The following CNTNAP2 variants were observed in gnomAD, a reference collection of about 807,000 sequenced individuals.
CNTNAP2 encodes the protein contactin associated protein 2.
In CNTNAP2, 98 loss-of-function variants were observed where a neutral mutation model predicts 155.2. That is an observed-to-expected ratio of 0.63 (90% CI 0.54 to 0.75). The LOEUF is 0.75. Among genes scored for constraint, CNTNAP2 ranks in the 30% least tolerant of loss-of-function variants. The pLI is 0.00. For missense variants in CNTNAP2, 1,727 were observed against 1,688.1 expected, an observed-to-expected ratio of 1.02 and a Z score of -0.40; for synonymous variants, 651 against 631.2, an observed-to-expected ratio of 1.03 and a Z score of -0.47.
At chr7:148,065,193 C>T (rs1391995585) in intron 15 of CNTNAP2, among the ~76,000 whole-genome samples, 2 of 152,056 alleles carry the variant, frequency 1.3e-5, no homozygotes, top group African/African-American at 4.8e-5. Context: ...CTTACTGAGA[C>T]TTGTTTTGTG....
chr7:147,437,904 T>G (rs1195538406), intron 10 of CNTNAP2, among the ~76,000 whole-genome samples: 1 of 152,020 alleles, frequency 6.6e-6, no homozygotes, highest in Non-Finnish European at 1.5e-5. Flanking sequence ...GATCTTTCAT[T>G]TCCTTAAGAT....
intron 1 of CNTNAP2, among the ~76,000 whole-genome samples, chr7:146,648,954 G>A (rs903606966): frequency 6.6e-6 from 1 of 152,004 alleles, no homozygotes; most frequent in Non-Finnish European, 1.5e-5. Context: ...CAGATGATGG[G>A]AAATACCGCT....
intron 1 of CNTNAP2, among the ~76,000 whole-genome samples, chr7:146,298,933 A>G (rs921986178): frequency 1.3e-5 from 2 of 152,182 alleles, no homozygotes; most frequent in Non-Finnish European, 2.9e-5. Flanking sequence ...TAATTCCTGT[A>G]GAATATAGAT....
chr7:147,539,552 T>C (rs1799604728), intron 11 of CNTNAP2, among the ~76,000 whole-genome samples: 1 of 152,192 alleles, frequency 6.6e-6, no homozygotes, highest in Admixed American at 6.5e-5. Flanking sequence ...ATTGAGATTC[T>C]TGAAAGCTGA....
intron 12 of CNTNAP2, among the ~76,000 whole-genome samples, chr7:147,634,075 A>G (rs1213638852): frequency 1.3e-5 from 2 of 152,216 alleles, no homozygotes; most frequent in Non-Finnish European, 2.9e-5. Context: ...AGGTAGAGCT[A>G]CCATTTGATC....
chr7:146,804,469 C>G (rs1802933290), intron 2 of CNTNAP2, among the ~76,000 whole-genome samples: 2 of 151,950 alleles, frequency 1.3e-5, no homozygotes. Flanking sequence ...TTTTCATCAC[C>G]TAGGAAGGAG....
intron 13 of CNTNAP2, among the ~76,000 whole-genome samples, chr7:147,889,119 G>A (rs749803998): frequency 1.3e-5 from 2 of 151,888 alleles, no homozygotes; most frequent in Non-Finnish European, 2.9e-5. Flanking sequence ...AAACTTTCTA[G>A]GGTATCTACT....
intron 3 of CNTNAP2, among the ~76,000 whole-genome samples, chr7:147,034,553 C>T (rs1799109863): frequency 6.6e-6 from 1 of 152,156 alleles, no homozygotes; most frequent in South Asian, 2.1e-4. Context: ...CAATTAGACC[C>T]CCTGCCTTAC....
chr7:146,288,793 ATTTTTTT>A (rs757136036), intron 1 of CNTNAP2, among the ~76,000 whole-genome samples: 75 of 100,042 alleles, frequency 7.5e-4, no homozygotes, highest in African/African-American at 3.0e-3. Context: ...AAAATTAGTA[ATTTTTTT>A]TTTTTTTTTT....
intron 21 of CNTNAP2, among the ~76,000 whole-genome samples, chr7:148,360,810 C>CTTTTTTTTTTTTTTT (rs1177933137): frequency 1.4e-5 from 2 of 138,684 alleles, no homozygotes; most frequent in African/African-American, 5.2e-5. Flanking sequence ...TCTTTTTTTT[C>CTTTTTTTTTTTTTTT]TTTTTCTTTT....
intron 14 of CNTNAP2, among the ~76,000 whole-genome samples, chr7:147,960,345 T>TGGCAAAATTTGAGGC (rs1801094946): frequency 1.3e-5 from 2 of 152,164 alleles, no homozygotes; most frequent in Admixed American, 1.3e-4. Context: ...ATGCCGTCAC[T>TGGCAAAATTTGAGGC]GGCAAAATTT....
chr7:146,143,017 T>A (rs1390042494), intron 1 of CNTNAP2, among the ~76,000 whole-genome samples: 4 of 152,160 alleles, frequency 2.6e-5, no homozygotes, highest in African/African-American at 9.7e-5. Context: ...ATAAATAAAA[T>A]CAAGCCTCTC....
chr7:147,337,018 A>G (rs1384353791), intron 9 of CNTNAP2, among the ~76,000 whole-genome samples: 1 of 152,106 alleles, frequency 6.6e-6, no homozygotes, highest in Non-Finnish European at 1.5e-5. Flanking sequence ...ACTGCAGGAG[A>G]TAGGGAAGAT....
chr7:146,315,221 C>A (rs965054309), intron 1 of CNTNAP2, among the ~76,000 whole-genome samples: 6 of 152,166 alleles, frequency 3.9e-5, no homozygotes, highest in Admixed American at 3.9e-4. Flanking sequence ...GCTGAGAGTG[C>A]CCTCAGAGGC....
chr7:146,509,586 G>C (rs1460569470), intron 1 of CNTNAP2, among the ~76,000 whole-genome samples: 2 of 152,116 alleles, frequency 1.3e-5, no homozygotes, highest in Admixed American at 1.3e-4. Flanking sequence ...ATGAGCCACT[G>C]GGGGAGCCCA....
At chr7:148,202,565 C>T (rs1246118564) in intron 18 of CNTNAP2, among the ~76,000 whole-genome samples, 1 of 152,036 alleles carries the variant, frequency 6.6e-6, no homozygotes, top group African/African-American at 2.4e-5. Flanking sequence ...TTGCCACAGA[C>T]GTGGTGCAAA....
intron 21 of CNTNAP2, among the ~76,000 whole-genome samples, chr7:148,331,569 T>C (rs1473588597): frequency 2.6e-4 from 2 of 7,590 alleles, no homozygotes; most frequent in South Asian, 1.5e-3. Flanking sequence ...ACGGATGGAG[T>C]GGATGGATGG....
chr7:148,200,046 C>T (rs957042384), intron 18 of CNTNAP2, among the ~76,000 whole-genome samples: 1 of 152,178 alleles, frequency 6.6e-6, no homozygotes, highest in Admixed American at 6.5e-5. Context: ...TTTATTCTTT[C>T]CAGGTGCTCA....
At chr7:148,017,219 T>A (rs1459559826) in intron 15 of CNTNAP2, among the ~76,000 whole-genome samples, 1 of 152,196 alleles carries the variant, frequency 6.6e-6, no homozygotes, top group Non-Finnish European at 1.5e-5. Flanking sequence ...CCTGAACACC[T>A]AAATCCTTTC....
Sources: gnomAD v4.1 joint callset for allele counts (sites outside exome capture counted in the v4.1 genomes callset) on GRCh38, gnomAD v4.1.1 for gene constraint, MANE v1.5 for transcripts, NCBI Gene and HGNC (gene_info 2026-07-23, HGNC 2026-07-21) for gene names.